The following FSTL4 variants were observed in gnomAD, a reference collection of about 807,000 sequenced individuals.
FSTL4 encodes follistatin-related protein 4.
A neutral mutation model predicts 78.2 loss-of-function variants in FSTL4; 28 were observed. The observed-to-expected ratio is 0.36, with a 90% CI of 0.27 to 0.49. FSTL4 has a LOEUF of 0.49. FSTL4 is among the 20% of genes least tolerant of loss of function. The pLI is 0.98. For synonymous variants in FSTL4, 422 were observed against 440.5 expected (o/e 0.96, Z 0.53); for missense variants, 922 against 1,084.9 (o/e 0.85, Z 2.11).
chr5:133,231,011 T>A (rs905247588), intron 8 of FSTL4, among the ~76,000 whole-genome samples: 1 of 152,040 alleles, frequency 6.6e-6, no homozygotes, highest in Non-Finnish European at 1.5e-5. Flanking sequence ...GGCGTCCTCC[T>A]GGGCCCACGT....
chr5:133,304,315 T>C (rs1470051811), intron 6 of FSTL4, among the ~76,000 whole-genome samples: 1 of 152,214 alleles, frequency 6.6e-6, no homozygotes, highest in African/African-American at 2.4e-5. Context: ...AGCTCTCTCC[T>C]GCATGCAAAA....
chr5:133,204,659 C>T (rs910262521), intron 14 of FSTL4, among the ~76,000 whole-genome samples: 7 of 151,922 alleles, frequency 4.6e-5, no homozygotes, highest in Non-Finnish European at 1.0e-4. Context: ...TGGTGAAACC[C>T]CATCTCTACA....
intron 3 of FSTL4, among the ~76,000 whole-genome samples, chr5:133,536,046 T>C (rs1363399946): frequency 6.6e-6 from 1 of 152,188 alleles, no homozygotes; most frequent in Non-Finnish European, 1.5e-5. Context: ...GTAGATCCTC[T>C]GCAAATACAC....
chr5:133,332,492 C>G (rs1025166078), intron 4 of FSTL4, among the ~76,000 whole-genome samples: 2 of 152,170 alleles, frequency 1.3e-5, no homozygotes, highest in Non-Finnish European at 2.9e-5. Context: ...CACCTGGGGC[C>G]GGAGAGGCGG....
At chr5:133,489,129 T>C (rs1758204730) in intron 3 of FSTL4, among the ~76,000 whole-genome samples, 1 of 152,132 alleles carries the variant, frequency 6.6e-6, no homozygotes, top group South Asian at 2.1e-4. Context: ...GCATCCAAAA[T>C]TCTTAAGATA....
chr5:133,326,426 C>T lies in FSTL4; in HGVS notation c.410-9774G>A, dbSNP rs563313561. On this transcript the variant is annotated intron_variant, in intron 4 of 15. Transcript: ENST00000265342. ...CCACTTGGTAACCCACTGCCGCTGT[C>T]CCCTGGGGTCTGTGACTTCTAAGTG... is the stretch of plus-strand genomic sequence containing the variant. 7.2e-5 allele frequency among the ~76,000 whole-genome samples: 11 copies of T among 152,322 alleles called. No homozygotes were observed. In the South Asian group the frequency reaches 2.3e-3, roughly 32 times the overall value.
intron 4 of FSTL4, among the ~76,000 whole-genome samples, chr5:133,326,356 C>T (rs1483343765): frequency 6.6e-6 from 1 of 152,224 alleles, no homozygotes; most frequent in Non-Finnish European, 1.5e-5. Flanking sequence ...ATACAGTCTT[C>T]TCACAATCCC....
At chr5:133,438,956 T>C (rs569312016) in intron 3 of FSTL4, among the ~76,000 whole-genome samples, 1 of 152,366 alleles carries the variant, frequency 6.6e-6, no homozygotes, top group African/African-American at 2.4e-5. Context: ...GCGCCTTTGA[T>C]TCCTCCTGCC....
the FSTL4 span, among the ~76,000 whole-genome samples, chr5:133,807,160 TAGGA>T: frequency 6.6e-6 from 1 of 152,216 alleles, no homozygotes; most frequent in East Asian, 1.9e-4. Flanking sequence ...AAGAGGAGGC[TAGGA>T]AGAAAATATA....
At chr5:133,665,078 G>A in the FSTL4 span, among the ~76,000 whole-genome samples, 1 of 152,176 alleles carries the variant, frequency 6.6e-6, no homozygotes, top group Non-Finnish European at 1.5e-5. Flanking sequence ...GGCCCCAAAT[G>A]AAGCAGTATG....
chr5:133,443,142 G>T (rs974899430), intron 3 of FSTL4, among the ~76,000 whole-genome samples: 2 of 152,186 alleles, frequency 1.3e-5, no homozygotes, highest in African/African-American at 4.8e-5. Context: ...GTGTTCATAA[G>T]GTAAGTGTCA....
At chr5:133,787,575 C>G in the FSTL4 span, among the ~76,000 whole-genome samples, 1 of 151,756 alleles carries the variant, frequency 6.6e-6, no homozygotes, top group African/African-American at 2.4e-5. Flanking sequence ...GCCCCCACCC[C>G]CAGTCCCACG....
chr5:133,225,408 C>T lies in FSTL4; in HGVS notation c.1178-124G>A, dbSNP rs764866887. 23 of 1,161,816 alleles carry T rather than the reference C, an allele frequency of 2.0e-5. No homozygotes were observed. The highest frequency in any genetic ancestry group is 2.8e-5 in the Non-Finnish European group (23 of 808,166). The allele number at this position is 1,161,816 out of a possible 1,614,324, so 72.0% of individuals were successfully genotyped here. On this transcript the variant is annotated intron_variant, in intron 9 of 15. Transcript: ENST00000265342. This position sits in a 1 kb window ranked among gnomAD's most constrained non-coding sequence, Gnocchi z 4.6. ...GGCAGCCAGCAGCCCTGATTATACG[C>T]CCAGGAAGGGCTGGCACATCTGAAA...
intron 6 of FSTL4, among the ~76,000 whole-genome samples, chr5:133,302,113 A>G (rs912560662): frequency 3.9e-5 from 6 of 152,094 alleles, no homozygotes; most frequent in Admixed American, 1.3e-4. Flanking sequence ...CCAAGGGTCC[A>G]AAGATGCTAT....
the FSTL4 span, among the ~76,000 whole-genome samples, chr5:133,625,661 G>A: frequency 7.2e-6 from 1 of 139,744 alleles, no homozygotes; most frequent in Non-Finnish European, 1.5e-5. Context: ...CTTGCTTTGG[G>A]TCTATTTTAG....
At chr5:133,222,953 C>T (rs779574076) in intron 11 of FSTL4, among the ~76,000 whole-genome samples, 17 of 152,206 alleles carry the variant, frequency 1.1e-4, no homozygotes, top group Non-Finnish European at 2.1e-4. Context: ...GTTCACTGCT[C>T]AATTGTTCAA....
At chr5:133,206,640 G>A (rs1319273313) in intron 14 of FSTL4, among the ~76,000 whole-genome samples, 1 of 152,144 alleles carries the variant, frequency 6.6e-6, no homozygotes, top group Non-Finnish European at 1.5e-5. Context: ...GGGATTATAG[G>A]CATGAACCAC....
intron 3 of FSTL4, among the ~76,000 whole-genome samples, chr5:133,526,966 GGCAGCAAGCT>G (rs1432033336): frequency 1.3e-5 from 2 of 152,064 alleles, no homozygotes; most frequent in African/African-American, 4.8e-5. Context: ...AGCGGCAACT[GGCAGCAAGCT>G]GCCAGTTGTG....
At chr5:133,436,682 A>G (rs2126999811) in intron 3 of FSTL4, among the ~76,000 whole-genome samples, 1 of 152,290 alleles carries the variant, frequency 6.6e-6, no homozygotes, top group East Asian at 1.9e-4. Context: ...CCACGGTAGT[A>G]GTATTTACAC....
Sources: gnomAD v4.1 joint callset for allele counts (sites outside exome capture counted in the v4.1 genomes callset) on GRCh38, gnomAD v4.1.1 for gene constraint, Gnocchi (gnomAD v3.1) non-coding constraint, MANE v1.5 for transcripts, NCBI Gene and HGNC (gene_info 2026-07-23, HGNC 2026-07-21) for gene names.